PPP2R5A: variants seen among roughly 807,000 people sequenced by gnomAD.
PPP2R5A encodes serine/threonine-protein phosphatase 2A 56 kDa regulatory subunit alpha isoform.
A neutral mutation model predicts 64.2 loss-of-function variants in PPP2R5A; 25 were observed. The ratio of observed to expected loss-of-function variants is 0.39; its 90% confidence interval spans 0.28 to 0.54. PPP2R5A has a LOEUF of 0.54. Ranked by LOEUF, PPP2R5A falls within the 20% of genes least tolerant of loss-of-function variation. PPP2R5A has a pLI of 0.67. For missense variants in PPP2R5A, 425 were observed against 576.3 expected, an observed-to-expected ratio of 0.74 and a Z score of 2.69; for synonymous variants, 198 against 201.2, an observed-to-expected ratio of 0.98 and a Z score of 0.13.
chr1:212,303,494 G>A (rs1658837796), intron 1 of PPP2R5A, among the ~76,000 whole-genome samples: 1 of 151,694 alleles, frequency 6.6e-6, no homozygotes, highest in Non-Finnish European at 1.5e-5. Flanking sequence ...AGCCCCTTGT[G>A]TCTTTTCACT....
chr1:212,301,559 A>G (rs988870767), intron 1 of PPP2R5A, among the ~76,000 whole-genome samples: 11 of 152,232 alleles, frequency 7.2e-5, no homozygotes, highest in Admixed American at 6.5e-4. Context: ...ATGAAATCAC[A>G]GAACCTTAAT....
chr1:212,332,197 G>A (rs537153284), intron 2 of PPP2R5A, among the ~76,000 whole-genome samples: 2 of 152,218 alleles, frequency 1.3e-5, no homozygotes, highest in South Asian at 4.1e-4. Context: ...TCAAATTTTA[G>A]GTTATTACTT....
At chr1:212,287,571 A>T (rs1211969195) in intron 1 of PPP2R5A, among the ~76,000 whole-genome samples, 1 of 152,222 alleles carries the variant, frequency 6.6e-6, no homozygotes, top group African/African-American at 2.4e-5. Context: ...GTTAGAATCA[A>T]ACTGGCTTTT....
intron 1 of PPP2R5A, among the ~76,000 whole-genome samples, chr1:212,303,737 A>G (rs1210942560): frequency 1.3e-5 from 2 of 152,186 alleles, no homozygotes; most frequent in Non-Finnish European, 2.9e-5. Flanking sequence ...TAAGGATTCA[A>G]ATTCATTATT....
intron 1 of PPP2R5A, among the ~76,000 whole-genome samples, chr1:212,310,689 G>A (rs1001136466): frequency 2.6e-4 from 40 of 152,200 alleles, no homozygotes; most frequent in African/African-American, 9.6e-4. Context: ...CAGAACAAAG[G>A]TGATTGAGGC....
chr1:212,349,811 A>C (rs1030816501), intron 8 of PPP2R5A, among the ~76,000 whole-genome samples: 99 of 152,234 alleles, frequency 6.5e-4, no homozygotes, highest in African/African-American at 2.1e-3. Context: ...AATTCAGGAG[A>C]GAGTGAAAAC....
At chr1:212,341,943 T>C (rs1262848858) in intron 3 of PPP2R5A, among the ~76,000 whole-genome samples, 1 of 152,162 alleles carries the variant, frequency 6.6e-6, no homozygotes, top group Non-Finnish European at 1.5e-5. Flanking sequence ...CTCACCATGT[T>C]GTCCAGGGTG....
intron 3 of PPP2R5A, among the ~76,000 whole-genome samples, chr1:212,337,525 C>G (rs1177828365): frequency 6.6e-6 from 1 of 152,086 alleles, no homozygotes; most frequent in African/African-American, 2.4e-5. Context: ...ATTCAAATAA[C>G]TCTTGGCCAT....
intron 1 of PPP2R5A, among the ~76,000 whole-genome samples, chr1:212,324,322 G>A (rs563918395): frequency 3.1e-4 from 47 of 152,178 alleles, no homozygotes; most frequent in African/African-American, 1.1e-3. Flanking sequence ...AACAAGAAAA[G>A]GTACAGTAAA....
At chr1:212,337,743 G>A (rs531860343) in intron 3 of PPP2R5A, among the ~76,000 whole-genome samples, 41 of 152,038 alleles carry the variant, frequency 2.7e-4, no homozygotes, top group African/African-American at 8.2e-4. Flanking sequence ...AAAAACCTAG[G>A]CTCCCTGTAT....
At chr1:212,330,833 TAGAG>T (rs1353145204) in intron 2 of PPP2R5A, among the ~76,000 whole-genome samples, 35 of 151,848 alleles carry the variant, frequency 2.3e-4, no homozygotes, top group Non-Finnish European at 4.9e-4. Context: ...TTTTTTTCCT[TAGAG>T]AGAATAAAAG....
At chr1:212,328,969 G>GA (rs1028480208) in intron 1 of PPP2R5A, among the ~76,000 whole-genome samples, 166 bp from the exon 2 acceptor site, 1 of 151,944 alleles carries the variant, frequency 6.6e-6, no homozygotes, top group Non-Finnish European at 1.5e-5. Context: ...GGAGAGAGAA[G>GA]AGTCCAGTAT....
At chr1:212,293,755 AAC>A (rs1658644294) in intron 1 of PPP2R5A, among the ~76,000 whole-genome samples, 1 of 152,030 alleles carries the variant, frequency 6.6e-6, no homozygotes, top group South Asian at 2.1e-4. Context: ...ATTTCTTGGA[AAC>A]ACACTCCTCC....
chr1:212,356,921 T>G (rs759362029), intron 9 of PPP2R5A, 29 bp from the exon 10 acceptor site: 2 of 1,469,642 alleles, frequency 1.4e-6, no homozygotes. Context: ...ATTTATCATG[T>G]TTCTTAAAAT....
At chr1:212,355,326 CAAAT>C (rs1213877001) in intron 8 of PPP2R5A, among the ~76,000 whole-genome samples, 2 of 151,950 alleles carry the variant, frequency 1.3e-5, no homozygotes, top group Non-Finnish European at 2.9e-5. Context: ...TACAGTTACA[CAAAT>C]AAGTGTAATT....
chr1:212,333,617 T>C lies in PPP2R5A; in HGVS notation c.480+19T>C. On this transcript the variant is annotated intron_variant, in intron 3 of 12. Coordinates refer to ENST00000261461, the MANE Select transcript of PPP2R5A (RefSeq NM_006243.4). The stretch of plus-strand genomic sequence containing the variant: ...CATACAGGTATGGAACATAATTACG[T>C]ATTGGCAGTTTTTATATTTATGCTA... The C allele has an allele frequency of 7.3e-7, 1 of 1,364,736 alleles. No homozygotes were observed. Among genetic ancestry groups the C allele is most frequent in the South Asian group, 1.4e-5 (1 of 71,724 alleles). 84.5% of individuals were successfully genotyped at this position (1,364,736 alleles called of 1,614,324 possible).
At chr1:212,310,289 T>TA (rs1164804909) in intron 1 of PPP2R5A, among the ~76,000 whole-genome samples, 1 of 146,016 alleles carries the variant, frequency 6.8e-6, no homozygotes, top group East Asian at 2.3e-4. Context: ...TCCACACTGC[T>TA]GGGTTTTTTT....
intron 8 of PPP2R5A, among the ~76,000 whole-genome samples, chr1:212,351,091 C>T (rs1435862281): frequency 7.0e-6 from 1 of 142,786 alleles, no homozygotes; most frequent in Non-Finnish European, 1.5e-5. Flanking sequence ...TTACAGTGAG[C>T]CGAGATGACA....
intron 3 of PPP2R5A, among the ~76,000 whole-genome samples, chr1:212,335,740 A>C (rs911208379): frequency 4.4e-4 from 67 of 152,270 alleles, no homozygotes; most frequent in East Asian, 3.9e-4. Flanking sequence ...GTTTATCTGA[A>C]ATTTTGTTCC....
Sources: allele counts gnomAD v4.1 joint callset (sites outside exome capture counted in the v4.1 genomes callset), GRCh38; gene constraint gnomAD v4.1.1; transcripts MANE v1.5; gene names NCBI Gene and HGNC (gene_info 2026-07-23, HGNC 2026-07-21).